Variants in UBE2E1 observed in about 807,000 individuals in gnomAD.
UBE2E1 encodes ubiquitin conjugating enzyme E2 E1.
UBE2E1 carries 6 observed loss-of-function variants against 21.4 expected under a neutral mutation model. The observed-to-expected ratio is 0.28, with a 90% CI of 0.15 to 0.55. UBE2E1 has a LOEUF of 0.55. Among genes scored for constraint, UBE2E1 ranks in the 20% least tolerant of loss-of-function variants. The probability of loss-of-function intolerance (pLI) is 0.93; values close to 1 mark genes in which losing one functional copy is unlikely to be tolerated. For missense variants in UBE2E1, 142 were observed against 236.5 expected (o/e 0.60, Z 2.62); for synonymous variants, 87 against 82.7 (o/e 1.05, Z -0.28).
In UBE2E1 at chr3:23,863,124, G is replaced by A. The variant is rs755273809; in HGVS notation, c.204-24443G>A. ...GCAACTACTTGTACCTCCTTGAGCC[G>A]AGTACTTTGTTGTTTATATCCTGTT... On this transcript the variant is annotated intron_variant, in intron 3 of 5. Coordinates refer to ENST00000306627, the MANE Select transcript of UBE2E1 (RefSeq NM_003341.5). The surrounding 1 kb of genome is among the most constrained non-coding windows in gnomAD (Gnocchi z 4.3). Among the ~76,000 whole-genome samples, 34 of 149,418 alleles carry A rather than the reference G, an allele frequency of 2.3e-4. No homozygotes were observed. The highest frequency in any genetic ancestry group is 7.4e-5 in the Non-Finnish European group (5 of 67,666).
intron 3 of UBE2E1, among the ~76,000 whole-genome samples, chr3:23,815,669 T>C (rs1298289954): frequency 6.6e-6 from 1 of 152,182 alleles, no homozygotes; most frequent in African/African-American, 2.4e-5. Context: ...CTTGCAACAG[T>C]GGAGTGTTAC....
Position 23,876,075 on chromosome 3 carries a change from A to G in UBE2E1, c.204-11492A>G, listed in dbSNP as rs1005339084. 6.6e-6 allele frequency among the ~76,000 whole-genome samples: 1 copy of G among 152,098 alleles called. No homozygotes were observed. Among genetic ancestry groups the G allele is most frequent in the Non-Finnish European group, 1.5e-5 (1 of 68,018 alleles). ...CGTGAGCCACTGTGCCCAGCCAAAT[A>G]TGTGAATTCTTGTGTGTGGGTACTA... On this transcript the variant is annotated intron_variant, in intron 3 of 5. Coordinates refer to ENST00000306627, the MANE Select transcript of UBE2E1 (RefSeq NM_003341.5). This position sits in a 1 kb window ranked among gnomAD's most constrained non-coding sequence, Gnocchi z 4.3.
chr3:23,817,214 G>A (rs1309248189), intron 3 of UBE2E1, among the ~76,000 whole-genome samples: 2 of 152,074 alleles, frequency 1.3e-5, no homozygotes, highest in Admixed American at 6.5e-5. Context: ...AGGCCAAGGC[G>A]GGTAGATCAC....
rs71057627 is a variant in UBE2E1, at chr3:23,847,488, ATTT to A, written c.203+36000_203+36002del. 3.2e-3 allele frequency among the ~76,000 whole-genome samples: 309 copies of A among 96,098 alleles called. 4 individuals are homozygous for A. The East Asian group carries it at 0.049, about 15-fold the overall frequency. The allele number at this position is 96,098 out of a possible 152,430, so 63.0% of individuals were successfully genotyped here. ...ATCTGTGTGTGTACATGTACTTTAAATTTTTTTTTTTTTTTTTTTTTTTTGAGA... is the reference window on the plus strand; with the variant it reads ...ATCTGTGTGTGTACATGTACTTTAAATTTTTTTTTTTTTTTTTTTTTGAGA... On this transcript the variant is annotated intron_variant, in intron 3 of 5. Coordinates refer to ENST00000306627, the MANE Select transcript of UBE2E1 (RefSeq NM_003341.5).
At chr3:23,886,385 T>C (rs1247329826) in intron 3 of UBE2E1, among the ~76,000 whole-genome samples, 1 of 152,224 alleles carries the variant, frequency 6.6e-6, no homozygotes, top group Non-Finnish European at 1.5e-5. Context: ...AGGTGGACAG[T>C]GTCCGAGCTC....
chr3:23,852,487 T>C (rs1015050558), intron 3 of UBE2E1, among the ~76,000 whole-genome samples: 1 of 152,262 alleles, frequency 6.6e-6, no homozygotes, highest in Non-Finnish European at 1.5e-5. Context: ...TCAGCTTGTT[T>C]ATTGGTCCTA....
At chr3:23,867,232 A>C (rs2125317066) in intron 3 of UBE2E1, among the ~76,000 whole-genome samples, 1 of 152,358 alleles carries the variant, frequency 6.6e-6, no homozygotes, top group East Asian at 1.9e-4. Flanking sequence ...AAAAGAAGTC[A>C]AAGTTTGTGA....
chr3:23,886,802 T>A (rs1335272952), intron 3 of UBE2E1, among the ~76,000 whole-genome samples: 2 of 152,212 alleles, frequency 1.3e-5, no homozygotes, highest in Non-Finnish European at 2.9e-5. Flanking sequence ...ATAAATCCAA[T>A]TCACATCGTA....
intron 3 of UBE2E1, among the ~76,000 whole-genome samples, chr3:23,819,704 T>C (rs1699605889): frequency 6.6e-6 from 1 of 152,154 alleles, no homozygotes; most frequent in South Asian, 2.1e-4. Flanking sequence ...ATAGTGGAAA[T>C]TGCTGGGGAA....
chr3:23,845,573 C>T, intron 3 of UBE2E1, among the ~76,000 whole-genome samples: 1 of 74,498 alleles, frequency 1.3e-5, no homozygotes, highest in Non-Finnish European at 2.8e-5. Context: ...CTCTCTCTCT[C>T]TCTCTCTCTC....
At chr3:23,855,197 T>G (rs1575018493) in intron 3 of UBE2E1, among the ~76,000 whole-genome samples, 1 of 152,062 alleles carries the variant, frequency 6.6e-6, no homozygotes, top group Admixed American at 6.5e-5. Flanking sequence ...TTTTTCCTTC[T>G]TATTGGTTAA....
Position 23,806,939 on chromosome 3 carries a change from C to T in UBE2E1, c.-33-298C>T, listed in dbSNP as rs1360948993. 1 of 195,156 alleles carries T rather than the reference C, an allele frequency of 5.1e-6. No individual in the cohort carries two copies. The highest frequency in any genetic ancestry group is 2.3e-5 in the African/African-American group (1 of 43,306). 12.1% of individuals were successfully genotyped at this position (195,156 alleles called of 1,614,324 possible). On this transcript the variant is annotated intron_variant, in intron 1 of 5. Transcript: ENST00000306627. This position sits in a 1 kb window ranked among gnomAD's most constrained non-coding sequence, Gnocchi z 6.5. ...CGCCCCGCGCCCCCCGCCCTGCCCT[C>T]CTTCGCCTCCCGGGCTACTCCCTCC...
At chr3:23,888,765 AT>A (rs2125332332) in intron 4 of UBE2E1, among the ~76,000 whole-genome samples, 1 of 152,256 alleles carries the variant, frequency 6.6e-6, no homozygotes, top group East Asian at 1.9e-4. Flanking sequence ...GATTCTCAGT[AT>A]TTTAAAGCTT....
At chr3:23,835,539 C>T (rs1290749090) in intron 3 of UBE2E1, among the ~76,000 whole-genome samples, 4 of 152,020 alleles carry the variant, frequency 2.6e-5, no homozygotes, top group African/African-American at 9.7e-5. Flanking sequence ...GGGAGGTTCC[C>T]ACACCTGCAT....
At chr3:23,850,815 A>T (rs1700306922) in intron 3 of UBE2E1, among the ~76,000 whole-genome samples, 1 of 145,694 alleles carries the variant, frequency 6.9e-6, no homozygotes, top group Non-Finnish European at 1.5e-5. Flanking sequence ...CAGGGACTAC[A>T]GATGTGCGCC....
intron 5 of UBE2E1, 78 bp from the exon 6 acceptor site, chr3:23,890,431 A>T: frequency 1.4e-6 from 2 of 1,393,846 alleles, no homozygotes; most frequent in Non-Finnish European, 2.0e-6. Context: ...GTACGTATCT[A>T]CCCAAGCTGT....
At chr3:23,888,360 TA>T in intron 4 of UBE2E1, 1 of 410,384 alleles carries the variant, frequency 2.4e-6, no homozygotes, top group Non-Finnish European at 4.8e-6. Flanking sequence ...GACTGCCAGA[TA>T]AAAGTACAAC....
At chr3:23,833,202 A>G (rs1699905238) in intron 3 of UBE2E1, among the ~76,000 whole-genome samples, 1 of 152,040 alleles carries the variant, frequency 6.6e-6, no homozygotes, top group Non-Finnish European at 1.5e-5. Context: ...CGTACCTCTC[A>G]GTAGAGTATA....
At chr3:23,859,109 C>A (rs1386274422) in intron 3 of UBE2E1, among the ~76,000 whole-genome samples, 1 of 152,134 alleles carries the variant, frequency 6.6e-6, no homozygotes, top group East Asian at 1.9e-4. Context: ...TCTAAACTTA[C>A]TACCAGTTAC....
Sources: allele counts gnomAD v4.1 joint callset (sites outside exome capture counted in the v4.1 genomes callset), GRCh38; gene constraint gnomAD v4.1.1; non-coding constraint Gnocchi (gnomAD v3.1); transcripts MANE v1.5; gene names NCBI Gene and HGNC (gene_info 2026-07-23, HGNC 2026-07-21).